RBFOX1: variants seen among roughly 807,000 people sequenced by gnomAD.
RBFOX1 encodes RNA binding fox-1 homolog 1.
A neutral mutation model predicts 57.7 loss-of-function variants in RBFOX1; 8 were observed. The observed-to-expected ratio is 0.14, with a 90% CI of 0.08 to 0.25. The LOEUF (loss-of-function observed/expected upper bound fraction) is 0.25, where lower values mean the gene tolerates loss of function less well. Among genes scored for constraint, RBFOX1 ranks in the 10% least tolerant of loss-of-function variants. The probability of loss-of-function intolerance (pLI) is 1.00; values close to 1 mark genes in which losing one functional copy is unlikely to be tolerated. For missense variants in RBFOX1, 611 were observed against 548.5 expected (o/e 1.11, Z -1.14); for synonymous variants, 326 against 222.4 (o/e 1.47, Z -4.15).
chr16:6,319,391 C>G (rs1282261235), intron 2 of RBFOX1, among the ~76,000 whole-genome samples: 1 of 152,118 alleles, frequency 6.6e-6, no homozygotes, highest in African/African-American at 2.4e-5. Context: ...TCATGATATC[C>G]ACAGCATTTA....
intron 2 of RBFOX1, chr16:6,577,373 A>G (rs1041360874): frequency 1.4e-4 from 21 of 152,368 alleles, no homozygotes; most frequent in Admixed American, 3.9e-4. Flanking sequence ...AATATTTGTC[A>G]GTAGGAGCTT....
chr16:7,420,600 C>A (rs1424870492), intron 4 of RBFOX1, among the ~76,000 whole-genome samples: 2 of 151,536 alleles, frequency 1.3e-5, no homozygotes, highest in South Asian at 2.1e-4. Context: ...TTTTCTTTCC[C>A]TTTCTGATGA....
At chr16:6,215,951 T>C (rs1011878036) in intron 1 of RBFOX1, among the ~76,000 whole-genome samples, 18 of 152,058 alleles carry the variant, frequency 1.2e-4, no homozygotes, top group African/African-American at 4.1e-4. Context: ...ATCACAGCCG[T>C]AAAAAGAATG....
At chr16:7,429,421 T>G (rs760921859) in intron 4 of RBFOX1, among the ~76,000 whole-genome samples, 7 of 152,240 alleles carry the variant, frequency 4.6e-5, no homozygotes, top group Non-Finnish European at 8.8e-5. Context: ...CCATCAAAAG[T>G]GATCCTGCCC....
intron 3 of RBFOX1, among the ~76,000 whole-genome samples, chr16:5,673,600 C>A (rs1009747973): frequency 1.8e-4 from 28 of 152,218 alleles, no homozygotes; most frequent in African/African-American, 6.5e-4. Context: ...TGGAGGGCAA[C>A]TATCTCCATT....
chr16:7,215,713 G>T (rs1235614986), intron 4 of RBFOX1, among the ~76,000 whole-genome samples: 1 of 145,346 alleles, frequency 6.9e-6, no homozygotes, highest in Non-Finnish European at 1.5e-5. Flanking sequence ...TCTAAGAATT[G>T]GCCTATTCTG....
At chr16:7,092,054 C>G (rs942195911) in intron 4 of RBFOX1, among the ~76,000 whole-genome samples, 1 of 152,194 alleles carries the variant, frequency 6.6e-6, no homozygotes, top group African/African-American at 2.4e-5. Context: ...ACCACCTCTT[C>G]TAGCACCTAA....
At chr16:5,935,631 C>G (rs1343009643) in intron 4 of RBFOX1, among the ~76,000 whole-genome samples, 1 of 152,170 alleles carries the variant, frequency 6.6e-6, no homozygotes, top group Admixed American at 6.5e-5. Context: ...GGACTTGTTT[C>G]TAGTCTCTAG....
intron 4 of RBFOX1, among the ~76,000 whole-genome samples, chr16:7,057,054 A>G (rs998387428): frequency 1.3e-5 from 2 of 151,170 alleles, no homozygotes; most frequent in Non-Finnish European, 2.9e-5. Context: ...TGCAGGCCTG[A>G]TACTCAACAA....
At chr16:6,098,616 T>C (rs1005528758) in intron 1 of RBFOX1, among the ~76,000 whole-genome samples, 1 of 152,240 alleles carries the variant, frequency 6.6e-6, no homozygotes, top group Non-Finnish European at 1.5e-5. Context: ...CCAAGGGCCA[T>C]GCACATTCTC....
At chr16:5,826,741 T>C (rs1035657986) in intron 3 of RBFOX1, among the ~76,000 whole-genome samples, 3 of 152,232 alleles carry the variant, frequency 2.0e-5, no homozygotes, top group Non-Finnish European at 4.4e-5. Flanking sequence ...TATGCTGTCC[T>C]ATAAATTTTT....
At chr16:6,555,202 A>G (rs1320093695) in intron 2 of RBFOX1, among the ~76,000 whole-genome samples, 1 of 152,204 alleles carries the variant, frequency 6.6e-6, no homozygotes, top group Non-Finnish European at 1.5e-5. Flanking sequence ...AGACCAGAGA[A>G]TGTTCCCTGC....
intron 4 of RBFOX1, among the ~76,000 whole-genome samples, chr16:7,285,339 G>C (rs79791495): frequency 0.032 from 4,834 of 151,884 alleles, 157 homozygotes; most frequent in East Asian, 0.15. Context: ...GTACAACCCA[G>C]TGATTTTATT....
At chr16:7,154,690 TGTG>T (rs763418337) in intron 4 of RBFOX1, among the ~76,000 whole-genome samples, 1,321 of 11,406 alleles carry the variant, frequency 0.12, 10 homozygotes, top group Non-Finnish European at 0.17. Flanking sequence ...TTCCTTTGTG[TGTG>T]TGTGTGTGTG....
At chr16:6,445,464 T>C (rs1030229617) in intron 2 of RBFOX1, among the ~76,000 whole-genome samples, 1 of 151,804 alleles carries the variant, frequency 6.6e-6, no homozygotes, top group South Asian at 2.1e-4. Flanking sequence ...GTTTAACTCA[T>C]GATTATAGTC....
At position 5,946,560 on chromosome 16, in the gene RBFOX1, T is replaced by TC. The variant is rs397791737; in HGVS notation, c.351+79227dup. ...GTATCTCACTCTATGCATATTTTTT[T>TC]CCAACTGGGTGTTCCTGAGTTATAT... On this transcript the variant is annotated intron_variant, in intron 4 of 19. Coordinates refer to the RBFOX1 transcript ENST00000641259. This position sits in a 1 kb window ranked among gnomAD's most constrained non-coding sequence, Gnocchi z 4.6. Among the ~76,000 whole-genome samples, 4 of 152,008 alleles carry TC rather than the reference T, an allele frequency of 2.6e-5. No individual in the cohort carries two copies. The highest frequency in any genetic ancestry group is 1.9e-4 in the East Asian group (1 of 5,178).
At chr16:6,834,962 G>C (rs1024107781) in intron 3 of RBFOX1, among the ~76,000 whole-genome samples, 6 of 147,992 alleles carry the variant, frequency 4.1e-5, no homozygotes, top group African/African-American at 1.5e-4. Context: ...GCGCGATCTT[G>C]GTTCACTGTA....
At chr16:5,701,625 A>G (rs1348847270) in intron 3 of RBFOX1, among the ~76,000 whole-genome samples, 1 of 152,064 alleles carries the variant, frequency 6.6e-6, no homozygotes, top group African/African-American at 2.4e-5. Context: ...GTAGGGACAG[A>G]GTTTCGTCAT....
chr16:6,230,596 G>A (rs577083458), intron 1 of RBFOX1, among the ~76,000 whole-genome samples: 14 of 152,158 alleles, frequency 9.2e-5, no homozygotes, highest in South Asian at 4.1e-4. Context: ...AGGATCAGCT[G>A]GGTGGAGGAG....
Sources: gnomAD v4.1 joint callset for allele counts (sites outside exome capture counted in the v4.1 genomes callset) on GRCh38, gnomAD v4.1.1 for gene constraint, Gnocchi (gnomAD v3.1) non-coding constraint, MANE v1.5 for transcripts, NCBI Gene and HGNC (gene_info 2026-07-23, HGNC 2026-07-21) for gene names.